Variants in DHX15 observed in about 807,000 individuals in gnomAD.
DHX15 encodes DEAH-box helicase 15.
A neutral mutation model predicts 94.4 loss-of-function variants in DHX15; 11 were observed. The observed-to-expected ratio is 0.12, with a 90% CI of 0.07 to 0.19. DHX15 has a LOEUF of 0.19. Among genes scored for constraint, DHX15 ranks in the 10% least tolerant of loss-of-function variants. The pLI, the probability that DHX15 is intolerant of heterozygous loss-of-function variation, is 1.00. For synonymous variants in DHX15, 338 were observed against 329.9 expected (o/e 1.02, Z -0.27); for missense variants, 304 against 988.5 (o/e 0.31, Z 9.29).
chr4:24,547,603 A>C (rs1428807751), intron 6 of DHX15, among the ~76,000 whole-genome samples: 2 of 152,080 alleles, frequency 1.3e-5, no homozygotes, highest in Non-Finnish European at 2.9e-5. Context: ...CGTTTTAAAA[A>C]TAAAACAAAT....
At chr4:24,562,501 C>T (rs1721900425) in intron 3 of DHX15, among the ~76,000 whole-genome samples, 1 of 152,228 alleles carries the variant, frequency 6.6e-6, no homozygotes, top group Non-Finnish European at 1.5e-5. Context: ...TAATGGTCCC[C>T]TTGTAAAAAT....
At chr4:24,550,499 A>C (rs752399233) in intron 5 of DHX15, among the ~76,000 whole-genome samples, 26 of 152,098 alleles carry the variant, frequency 1.7e-4, no homozygotes, top group Non-Finnish European at 3.1e-4. Flanking sequence ...TCCAATTTAA[A>C]ATTTTTTACT....
At chr4:24,529,011 T>TA (rs540980701) in intron 13 of DHX15, among the ~76,000 whole-genome samples, 2,028 of 133,168 alleles carry the variant, frequency 0.015, 30 homozygotes, top group African/African-American at 0.034. Context: ...TTAAAAAAAT[T>TA]AAAAAAAAAC....
At chr4:24,562,681 A>C (rs1721908517) in intron 3 of DHX15, among the ~76,000 whole-genome samples, 1 of 152,260 alleles carries the variant, frequency 6.6e-6, no homozygotes, top group African/African-American at 2.4e-5. Context: ...TTTATAAAAC[A>C]TAGTGTAATA....
intron 5 of DHX15, among the ~76,000 whole-genome samples, chr4:24,552,342 A>G (rs1038510181): frequency 6.6e-6 from 1 of 151,460 alleles, no homozygotes; most frequent in African/African-American, 2.4e-5. Context: ...CTGCATGTTG[A>G]AAAAAAAATT....
intron 3 of DHX15, among the ~76,000 whole-genome samples, chr4:24,567,578 A>C (rs969048003): frequency 2.2e-5 from 3 of 139,096 alleles, no homozygotes; most frequent in African/African-American, 8.1e-5. Flanking sequence ...CTCCGTCTCC[A>C]AAAAAAAAAA....
At chr4:24,576,167 C>T in intron 2 of DHX15, 76 bp downstream of exon 2, 1 of 1,188,606 alleles carries the variant, frequency 8.4e-7, no homozygotes, top group Non-Finnish European at 1.2e-6. Flanking sequence ...AGGGAAATGA[C>T]CACCAGAATC....
intron 6 of DHX15, among the ~76,000 whole-genome samples, chr4:24,547,903 GTATATATATATATATATATATA>G (rs869194543): frequency 2.8e-5 from 2 of 70,750 alleles, no homozygotes; most frequent in African/African-American, 1.2e-4. Flanking sequence ...GTATGTATGT[GTATATATATATATATATATATA>G]TATATATATA....
intron 5 of DHX15, among the ~76,000 whole-genome samples, chr4:24,550,305 CT>C (rs556366640): frequency 1.3e-4 from 19 of 151,448 alleles, no homozygotes; most frequent in East Asian, 5.8e-4. Flanking sequence ...AATGTATTTT[CT>C]TTTTTTTGAT....
At chr4:24,551,617 C>T (rs1408834707) in intron 5 of DHX15, among the ~76,000 whole-genome samples, 1 of 151,858 alleles carries the variant, frequency 6.6e-6, no homozygotes, top group Non-Finnish European at 1.5e-5. Flanking sequence ...TATAACAAAG[C>T]GAACAAATAT....
intron 3 of DHX15, 35 bp downstream of exon 3, chr4:24,570,619 A>C: frequency 1.3e-6 from 2 of 1,593,172 alleles, no homozygotes; most frequent in Non-Finnish European, 1.7e-6. Flanking sequence ...TGGCAAGCAG[A>C]GGACTAAAAG....
chr4:24,558,467 T>C (rs1056994497), intron 3 of DHX15, among the ~76,000 whole-genome samples: 8 of 152,210 alleles, frequency 5.3e-5, no homozygotes, highest in Non-Finnish European at 1.2e-4. Flanking sequence ...GACATTCCTT[T>C]TTATTTTTCT....
rs1722266285 is a variant in DHX15, at chr4:24,576,377, G to A, written c.373C>T (p.Pro125Ser). 2 of 1,614,080 alleles carry A rather than the reference G, an allele frequency of 1.2e-6. No individual in the cohort carries two copies. Among genetic ancestry groups the A allele is most frequent in the African/African-American group, 1.3e-5 (1 of 74,920 alleles). The change falls in exon 2 of 14, where the codon CCT (proline) becomes TCT (serine). Residue 125 changes from proline to serine, a missense_variant. Transcript: ENST00000336812. ...TTCTTTAGAATATCATAGTATCGAG[G>A]AGTATGGGGTAAGTTGGTGAACGGA... is the stretch of plus-strand genomic sequence containing the variant. The part of the protein sequence containing the change: ...INPFTNLPHT[P>S]RYYDILKKRL...
intron 5 of DHX15, 133 bp from the exon 6 acceptor site, chr4:24,549,155 T>TAACCAAAACTAATTTAGC: frequency 1.5e-6 from 1 of 659,874 alleles, no homozygotes; most frequent in Non-Finnish European, 2.3e-6. Context: ...TTCAATTTAG[T>TAACCAAAACTAATTTAGC]AACCAAAACT....
At chr4:24,547,593 C>T (rs893558337) in intron 6 of DHX15, among the ~76,000 whole-genome samples, 1 of 152,004 alleles carries the variant, frequency 6.6e-6, no homozygotes, top group African/African-American at 2.4e-5. Flanking sequence ...ACAAACACAA[C>T]GTTTTAAAAA....
chr4:24,547,912 T>TAG, intron 6 of DHX15, among the ~76,000 whole-genome samples: 1 of 28,974 alleles, frequency 3.5e-5, no homozygotes, highest in African/African-American at 1.6e-4. Context: ...TGTATATATA[T>TAG]ATATATATAT....
At chr4:24,553,941 G>A (rs551500681) in intron 5 of DHX15, among the ~76,000 whole-genome samples, 26 of 151,326 alleles carry the variant, frequency 1.7e-4, no homozygotes, top group African/African-American at 2.2e-4. Flanking sequence ...ACATCTGGCC[G>A]GGTGCGATGG....
rs146076581 is a variant in DHX15 at position 24,560,519 on chromosome 4, C to A, written c.702-4109G>T. On this transcript the variant is annotated intron_variant, in intron 3 of 13. Coordinates refer to ENST00000336812, the MANE Select transcript of DHX15 (RefSeq NM_001358.3). ...CAAGTCTCTATGTAGCATGAAGTGT[C>A]ATAAAGCAAAGAAATGTATGACAAA... is the stretch of plus-strand genomic sequence containing the variant. Among the ~76,000 whole-genome samples the A allele has an allele frequency of 3.5e-3, 525 of 152,150 alleles. 6 individuals are homozygous for A. Among genetic ancestry groups the A allele is most frequent in the African/African-American group, 0.012 (501 of 41,506 alleles).
intron 7 of DHX15, 56 bp downstream of exon 7, chr4:24,542,884 G>T: frequency 1.6e-6 from 2 of 1,250,408 alleles, no homozygotes; most frequent in South Asian, 1.3e-5. Flanking sequence ...TAAATGAATT[G>T]GTTGTAAGTA....
Sources: allele counts gnomAD v4.1 joint callset (sites outside exome capture counted in the v4.1 genomes callset), GRCh38; gene constraint gnomAD v4.1.1; transcripts MANE v1.5; gene names NCBI Gene and HGNC (gene_info 2026-07-23, HGNC 2026-07-21).